The following ZNF385D variants were observed in gnomAD, a reference collection of about 807,000 sequenced individuals.
ZNF385D encodes zinc finger protein 385D, also known as zinc finger protein 659.
In ZNF385D, 15 loss-of-function variants were observed where a neutral mutation model predicts 35.8. The ratio of observed to expected loss-of-function variants is 0.42; its 90% CI spans 0.28 to 0.64. ZNF385D has a LOEUF of 0.64. Among genes scored for constraint, ZNF385D ranks in the 30% least tolerant of loss-of-function variants. The pLI is 0.23. For missense variants in ZNF385D, 474 were observed against 494.6 expected (o/e 0.96, Z 0.39); for synonymous variants, 212 against 186.8 (o/e 1.13, Z -1.10).
At chr3:21,789,149 C>T (rs750750453) in intron 3 of ZNF385D, among the ~76,000 whole-genome samples, 1 of 152,060 alleles carries the variant, frequency 6.6e-6, no homozygotes, top group Non-Finnish European at 1.5e-5. Flanking sequence ...CCACCATGAA[C>T]AGTGGATTCA....
chr3:22,026,414 G>C (rs1049465831), intron 3 of ZNF385D, among the ~76,000 whole-genome samples: 19 of 152,084 alleles, frequency 1.2e-4, no homozygotes, highest in Admixed American at 3.3e-4. Context: ...TTGGGGAAAG[G>C]GAAATGATGA....
intron 3 of ZNF385D, among the ~76,000 whole-genome samples, chr3:21,876,304 G>T (rs1171784516): frequency 6.6e-6 from 1 of 151,474 alleles, no homozygotes. Flanking sequence ...TCTATTAGGG[G>T]TGCCTCAGAG....
chr3:21,665,047 A>T lies in ZNF385D; in HGVS notation c.23-19T>A, dbSNP rs753708559. The T allele has an allele frequency of 5.1e-6, 8 of 1,580,362 alleles. No individual in the cohort carries two copies. The highest frequency in any genetic ancestry group is 6.9e-6 in the Non-Finnish European group (8 of 1,164,072). ...GTACCACCTGTGAAGACCAGAGCAA[A>T]GGGAGCAATCAGGGACACCACGCAT... is the stretch of plus-strand genomic sequence containing the variant. On this transcript the variant is annotated intron_variant, in intron 1 of 7. Coordinates refer to ENST00000281523, the MANE Select transcript of ZNF385D (RefSeq NM_024697.3).
intron 2 of ZNF385D, among the ~76,000 whole-genome samples, chr3:22,321,197 ATC>A (rs1232300077): frequency 2.1e-3 from 159 of 75,838 alleles, no homozygotes; most frequent in African/African-American, 7.5e-3. Flanking sequence ...ATTTTCTGGC[ATC>A]TCTTTTATCT....
intron 2 of ZNF385D, among the ~76,000 whole-genome samples, chr3:22,212,500 TTTCAC>T (rs1284204544): frequency 6.6e-6 from 1 of 152,048 alleles, no homozygotes; most frequent in African/African-American, 2.4e-5. Flanking sequence ...GTTAGCAACG[TTTCAC>T]TTAAGAGATT....
At chr3:21,794,777 T>C (rs777907561) in intron 3 of ZNF385D, among the ~76,000 whole-genome samples, 1 of 152,164 alleles carries the variant, frequency 6.6e-6, no homozygotes, top group Non-Finnish European at 1.5e-5. Context: ...GAAAAGAGTT[T>C]GTAAGAAAAA....
intron 3 of ZNF385D, among the ~76,000 whole-genome samples, chr3:22,077,951 G>T (rs1700548708): frequency 6.6e-6 from 1 of 151,936 alleles, no homozygotes; most frequent in Non-Finnish European, 1.5e-5. Context: ...CTGCACTGAT[G>T]GCTGACAACC....
chr3:21,950,570 T>A (rs1702016748), intron 3 of ZNF385D, among the ~76,000 whole-genome samples: 1 of 151,796 alleles, frequency 6.6e-6, no homozygotes, highest in African/African-American at 2.4e-5. Flanking sequence ...ATTTGTCTAT[T>A]TTGGCTTTTG....
intron 3 of ZNF385D, among the ~76,000 whole-genome samples, chr3:21,869,854 T>C (rs547170222): frequency 6.6e-6 from 1 of 152,218 alleles, no homozygotes; most frequent in Admixed American, 6.6e-5. Context: ...AGTAGTTCAA[T>C]AAAGTAGGTG....
At chr3:22,279,558 ATGT>A in intron 2 of ZNF385D, among the ~76,000 whole-genome samples, 1 of 145,036 alleles carries the variant, frequency 6.9e-6, no homozygotes, top group Middle Eastern at 3.6e-3. Flanking sequence ...ACATATACAT[ATGT>A]ACATATATAT....
At chr3:21,715,884 G>T (rs943758852) in intron 1 of ZNF385D, among the ~76,000 whole-genome samples, 1 of 152,106 alleles carries the variant, frequency 6.6e-6, no homozygotes. Flanking sequence ...TACATTTGGA[G>T]ATCTAATAGG....
chr3:21,949,555 T>TTTCTTGC (rs375725160), intron 3 of ZNF385D, among the ~76,000 whole-genome samples: 1 of 115,152 alleles, frequency 8.7e-6, no homozygotes, highest in Non-Finnish European at 1.8e-5. Context: ...TCTTTCTTTC[T>TTTCTTGC]TTTTTTTTTT....
intron 3 of ZNF385D, among the ~76,000 whole-genome samples, chr3:21,769,059 A>G (rs1417863793): frequency 6.6e-6 from 1 of 152,064 alleles, no homozygotes. Flanking sequence ...TAATTTATTG[A>G]GAGTTTTTAG....
intron 2 of ZNF385D, chr3:21,579,240 A>G (rs1197818001): frequency 6.6e-6 from 1 of 152,224 alleles, no homozygotes; most frequent in East Asian, 1.9e-4. Context: ...ACATGGCATT[A>G]TTAATTGAAA....
At chr3:21,899,714 C>A (rs1217308870) in intron 3 of ZNF385D, among the ~76,000 whole-genome samples, 4 of 152,048 alleles carry the variant, frequency 2.6e-5, no homozygotes, top group Non-Finnish European at 4.4e-5. Context: ...TATTTGGTGC[C>A]TTTATGTTTG....
intron 3 of ZNF385D, among the ~76,000 whole-genome samples, chr3:21,764,893 G>C (rs1239085290): frequency 6.6e-6 from 1 of 151,860 alleles, no homozygotes; most frequent in Admixed American, 6.6e-5. Context: ...TTTTCCAATT[G>C]TCCACTTCTC....
At chr3:22,372,608 G>A in exon 2 of ZNF385D, 1 of 804,350 alleles carries the variant, frequency 1.2e-6, no homozygotes, top group Non-Finnish European at 1.5e-6. Flanking sequence ...ACGGCTGCCC[G>A]CCTGCAGCTT....
intron 4 of ZNF385D, among the ~76,000 whole-genome samples, chr3:21,495,226 AT>A (rs780804495): frequency 0.033 from 4,857 of 146,776 alleles, 86 homozygotes; most frequent in African/African-American, 0.048. Context: ...GGTAAGAATG[AT>A]TTTTTTTTTT....
intron 3 of ZNF385D, among the ~76,000 whole-genome samples, chr3:21,556,058 T>C (rs1303563750): frequency 2.3e-5 from 3 of 132,824 alleles, no homozygotes; most frequent in Non-Finnish European, 4.7e-5. Context: ...TTGACGTTTT[T>C]TTTGTTTTTG....
Sources: gnomAD v4.1 joint callset for allele counts (sites outside exome capture counted in the v4.1 genomes callset) on GRCh38, gnomAD v4.1.1 for gene constraint, MANE v1.5 for transcripts, NCBI Gene and HGNC (gene_info 2026-07-23, HGNC 2026-07-21) for gene names.